DNAJC6: variants seen among roughly 807,000 people sequenced by gnomAD.
DNAJC6 encodes the protein auxilin.
In DNAJC6, 34 loss-of-function variants were observed where a neutral mutation model predicts 110.0. The ratio of observed to expected loss-of-function variants is 0.31; its 90% CI spans 0.24 to 0.41. The LOEUF (loss-of-function observed/expected upper bound fraction) is 0.41. DNAJC6 is among the 10% of genes least tolerant of loss of function. The pLI is 1.00. For missense variants in DNAJC6, 1,031 were observed against 1,207.8 expected, an observed-to-expected ratio of 0.85 and a Z score of 2.17; for synonymous variants, 406 against 437.2, an observed-to-expected ratio of 0.93 and a Z score of 0.89.
intron 16 of DNAJC6, among the ~76,000 whole-genome samples, chr1:65,408,201 C>T (rs1456596249): frequency 6.6e-6 from 1 of 152,166 alleles, no homozygotes; most frequent in African/African-American, 2.4e-5. Context: ...TAAGAGGCTA[C>T]AACCAGACTT....
At chr1:65,301,341 A>T (rs1644976771) in intron 1 of DNAJC6, among the ~76,000 whole-genome samples, 1 of 152,086 alleles carries the variant, frequency 6.6e-6, no homozygotes, top group African/African-American at 2.4e-5. Context: ...CCACAAACAA[A>T]CAATCAATTC....
intron 5 of DNAJC6, among the ~76,000 whole-genome samples, chr1:65,380,859 T>C (rs994438549): frequency 1.3e-5 from 2 of 151,702 alleles, no homozygotes; most frequent in African/African-American, 4.9e-5. Flanking sequence ...TACCATGTCT[T>C]TGGGAAATGG....
chr1:65,406,275 A>G, intron 16 of DNAJC6, 142 bp downstream of exon 16: 1 of 1,206,960 alleles, frequency 8.3e-7, no homozygotes, highest in Non-Finnish European at 1.1e-6. Flanking sequence ...AGTTGTAGAG[A>G]TAAAACATGA....
At chr1:65,333,385 C>T (rs192585959) in intron 1 of DNAJC6, among the ~76,000 whole-genome samples, 3 of 152,150 alleles carry the variant, frequency 2.0e-5, no homozygotes, top group East Asian at 1.9e-4. Context: ...GGATAAAAAC[C>T]ATCACTGCTT....
At chr1:65,387,026 T>TACACAAGTG in intron 8 of DNAJC6, 97 bp downstream of exon 8, 1 of 1,032,508 alleles carries the variant, frequency 9.7e-7, no homozygotes, top group Non-Finnish European at 1.5e-6. Flanking sequence ...CTTGAGTCAC[T>TACACAAGTG]TGTAGTTTTA....
At position 65,405,876 on chromosome 1, in the gene DNAJC6, C is replaced by T. The variant is rs1470957248; in HGVS notation, c.2234C>T (p.Ser745Phe). The change falls in exon 16 of 19, where the codon TCT becomes TTT. Residue 745 changes from serine (S) to phenylalanine (F), a missense_variant. Transcript: ENST00000371069. ...PFADLGTLGS[S>F]SFASKPTTPT... is the part of the protein sequence containing the mutation. ...TATCTCTTTTTTTCTTTAGGTAGTT[C>T]TTCCTTTGCCAGCAAACCCACCACA... 1.9e-6 allele frequency: 3 copies of T among 1,598,718 alleles called. No individual in the cohort carries two copies. The highest frequency in any genetic ancestry group is 1.7e-5 in the Admixed American group (1 of 57,488).
chr1:65,278,464 G>C (rs562841101), intron 1 of DNAJC6, among the ~76,000 whole-genome samples: 7 of 152,262 alleles, frequency 4.6e-5, no homozygotes, highest in African/African-American at 1.7e-4. Flanking sequence ...TTTCAGATAT[G>C]TTCCCCAACT....
At chr1:65,273,297 A>G (rs963203858) in intron 1 of DNAJC6, among the ~76,000 whole-genome samples, 2 of 152,208 alleles carry the variant, frequency 1.3e-5, no homozygotes, top group African/African-American at 4.8e-5. Flanking sequence ...TTAAGGCTAC[A>G]CATTAATATC....
chr1:65,341,582 A>C (rs919898548), intron 1 of DNAJC6, among the ~76,000 whole-genome samples: 13 of 152,168 alleles, frequency 8.5e-5, no homozygotes, highest in Admixed American at 5.9e-4. Flanking sequence ...CACACCACAA[A>C]GGGACTTGAC....
At chr1:65,348,984 A>G (rs986079422) in intron 1 of DNAJC6, among the ~76,000 whole-genome samples, 1 of 145,794 alleles carries the variant, frequency 6.9e-6, no homozygotes, top group African/African-American at 2.5e-5. Flanking sequence ...ATGTAAATAT[A>G]TAAATATATA....
intron 4 of DNAJC6, among the ~76,000 whole-genome samples, chr1:65,368,737 C>CTTCTTCTTCTT (rs1645676442): frequency 3.1e-3 from 1 of 318 alleles, no homozygotes; most frequent in Non-Finnish European, 8.1e-3. Context: ...TCTTCTTCTT[C>CTTCTTCTTCTT]CCCCTCCCCT....
chr1:65,300,366 C>T (rs1644967704), intron 1 of DNAJC6, among the ~76,000 whole-genome samples: 1 of 152,190 alleles, frequency 6.6e-6, no homozygotes, highest in Non-Finnish European at 1.5e-5. Flanking sequence ...ATTGGAAGGA[C>T]ATACCACCTA....
At chr1:65,377,644 C>T (rs1270871296) in intron 4 of DNAJC6, among the ~76,000 whole-genome samples, 1 of 152,112 alleles carries the variant, frequency 6.6e-6, no homozygotes, top group Non-Finnish European at 1.5e-5. Flanking sequence ...AAAAAAGTTA[C>T]AAATTAACAA....
At chr1:65,314,101 TGATAG>T (rs1417499283) in intron 1 of DNAJC6, among the ~76,000 whole-genome samples, 3 of 152,074 alleles carry the variant, frequency 2.0e-5, no homozygotes, top group Non-Finnish European at 4.4e-5. Context: ...ATAAGTATAA[TGATAG>T]GTAAGGATTT....
At chr1:65,338,596 T>C (rs1317465079) in intron 1 of DNAJC6, among the ~76,000 whole-genome samples, 3 of 152,166 alleles carry the variant, frequency 2.0e-5, no homozygotes, top group African/African-American at 7.2e-5. Context: ...CAGGTTGTAT[T>C]CAAAGAAACA....
intron 1 of DNAJC6, among the ~76,000 whole-genome samples, chr1:65,274,380 G>T (rs1024089567): frequency 6.6e-6 from 1 of 152,038 alleles, no homozygotes; most frequent in Non-Finnish European, 1.5e-5. Flanking sequence ...GCAGTGGTGT[G>T]ATCTTGGCTC....
At chr1:65,358,659 C>G (rs1364058687) in intron 1 of DNAJC6, among the ~76,000 whole-genome samples, 2 of 152,102 alleles carry the variant, frequency 1.3e-5, no homozygotes, top group African/African-American at 4.8e-5. Context: ...GTGTTGTAGC[C>G]TGCTTATTTT....
At position 65,343,322 on chromosome 1, in the gene DNAJC6, G is replaced by A. The variant is rs11807643; in HGVS notation, c.194-21313G>A. Among the ~76,000 whole-genome samples, 39 of 152,312 alleles carry A rather than the reference G, an allele frequency of 2.6e-4. 1 individual carries two copies. Among genetic ancestry groups the A allele is most frequent in the African/African-American group, 9.4e-4 (39 of 41,582 alleles). On this transcript the variant is annotated intron_variant, in intron 1 of 18. Transcript: ENST00000371069. ...TGGAACCACACAGACCAGACTGCAG[G>A]AAAGAGAAGAGATAAACAGTAGACT...
At chr1:65,265,068 C>G in intron 1 of DNAJC6, 2 of 743,248 alleles carry the variant, frequency 2.7e-6, no homozygotes, top group East Asian at 2.8e-5. Context: ...TATTAACATT[C>G]TAGTTATATA....
Sources: allele counts gnomAD v4.1 joint callset (sites outside exome capture counted in the v4.1 genomes callset), GRCh38; gene constraint gnomAD v4.1.1; transcripts MANE v1.5; gene names NCBI Gene and HGNC (gene_info 2026-07-23, HGNC 2026-07-21).